Variants in THEMIS observed in about 807,000 individuals in gnomAD.
THEMIS encodes protein THEMIS.
THEMIS carries 37 observed loss-of-function variants against 52.6 expected under a neutral mutation model. The observed-to-expected ratio is 0.70, with a 90% CI of 0.54 to 0.93. The LOEUF is 0.93. Ranked by LOEUF, THEMIS falls within the 40% of genes least tolerant of loss-of-function variation. The pLI, the probability that THEMIS is intolerant of heterozygous loss-of-function variation, is 0.00. For synonymous variants in THEMIS, 292 were observed against 272.7 expected (o/e 1.07, Z -0.70); for missense variants, 808 against 763.1 (o/e 1.06, Z -0.69).
At chr6:127,724,667 T>C (rs1198112952) in intron 4 of THEMIS, among the ~76,000 whole-genome samples, 1 of 152,130 alleles carries the variant, frequency 6.6e-6, no homozygotes, top group Non-Finnish European at 1.5e-5. Context: ...CAATCCTGTC[T>C]GCTAATTTGA....
At chr6:127,716,614 AC>A (rs1361137932) in intron 5 of THEMIS, among the ~76,000 whole-genome samples, 3 of 151,822 alleles carry the variant, frequency 2.0e-5, no homozygotes, top group Non-Finnish European at 4.4e-5. Flanking sequence ...CTCTGCCCAG[AC>A]CTGCTTCTGG....
intron 1 of THEMIS, among the ~76,000 whole-genome samples, chr6:127,906,211 G>A (rs1030030290): frequency 6.6e-6 from 1 of 151,188 alleles, no homozygotes; most frequent in Non-Finnish European, 1.5e-5. Context: ...GCAAAAGAAA[G>A]CTCATGAAAC....
chr6:127,825,844 T>C (rs1424662692), intron 3 of THEMIS, among the ~76,000 whole-genome samples: 1 of 152,170 alleles, frequency 6.6e-6, no homozygotes, highest in Non-Finnish European at 1.5e-5. Flanking sequence ...AAGAATGCTC[T>C]AAGACTTAGG....
intron 1 of THEMIS, among the ~76,000 whole-genome samples, chr6:127,856,340 A>G (rs1474347971): frequency 6.6e-6 from 1 of 151,926 alleles, no homozygotes; most frequent in Non-Finnish European, 1.5e-5. Flanking sequence ...CAGAGTCCCA[A>G]TAGGTAACAG....
intron 4 of THEMIS, among the ~76,000 whole-genome samples, chr6:127,759,883 C>G (rs914505217): frequency 3.1e-5 from 4 of 127,404 alleles, no homozygotes; most frequent in East Asian, 2.8e-4. Flanking sequence ...TCCTTCCTCT[C>G]TCTCTCTCTT....
intron 4 of THEMIS, among the ~76,000 whole-genome samples, chr6:127,788,790 AG>A (rs1235064520): frequency 6.6e-6 from 1 of 152,192 alleles, no homozygotes; most frequent in African/African-American, 2.4e-5. Context: ...CCTACTCTCC[AG>A]GAAGACAAAA....
At chr6:127,780,111 G>C (rs1562252204) in intron 4 of THEMIS, among the ~76,000 whole-genome samples, 1 of 152,142 alleles carries the variant, frequency 6.6e-6, no homozygotes, top group Non-Finnish European at 1.5e-5. Flanking sequence ...ATTTAGGATA[G>C]TAGCTCTTTT....
rs199696364 is a variant in THEMIS, at chr6:127,829,595, G to T, written c.590C>A (p.Thr197Lys). 9.8e-5 allele frequency: 158 copies of T among 1,614,058 alleles called. No homozygotes were observed. Among genetic ancestry groups the T allele is most frequent in the Non-Finnish European group, 1.3e-4 (149 of 1,179,974 alleles). Residue 197 changes from threonine (T) to lysine (K), a missense_variant, in exon 3 of 6, where the codon ACA (threonine) becomes AAA (lysine). Thr to Lys is a moderately conservative substitution (Grantham distance 78). Transcript: ENST00000368248. ...AAAATCTGTAAGGTTTACAGTTCTT[G>T]TTCTGTTCTTAGGAATCTTCCATTC... ...IVEWKIPKNR[T>K]RTVNLTDFSN...
rs552923578 is a variant in THEMIS, at chr6:127,917,468, G to A, written c.-150+960C>T. ...ACCGGGGCAGTAGAATCTGGAATGT[G>A]TGATTACTGAACCTAGCCTTTCACA... On this transcript the variant is annotated intron_variant, in intron 1 of 6. Coordinates refer to the THEMIS transcript ENST00000368250. Among the ~76,000 whole-genome samples, 6 of 152,348 alleles carry A rather than the reference G, an allele frequency of 3.9e-5. 1 individual carries two copies. The South Asian group carries it at 1.2e-3, about 32-fold the overall frequency.
chr6:127,707,955 T>G (rs563298907), downstream of THEMIS: 2 of 152,210 alleles, frequency 1.3e-5, no homozygotes, highest in South Asian at 2.1e-4. Context: ...TTGGTAGTTT[T>G]GGCACCTATC....
At chr6:127,763,585 C>A (rs890054001) in intron 4 of THEMIS, among the ~76,000 whole-genome samples, 1 of 151,936 alleles carries the variant, frequency 6.6e-6, no homozygotes, top group Non-Finnish European at 1.5e-5. Context: ...AAAAAAGTTA[C>A]CTTATCCACT....
At chr6:127,783,353 C>A (rs770334721) in intron 4 of THEMIS, among the ~76,000 whole-genome samples, 5 of 152,224 alleles carry the variant, frequency 3.3e-5, no homozygotes, top group South Asian at 4.1e-4. Context: ...ACTAAAACAC[C>A]AAAACCAATG....
chr6:127,793,743 C>A (rs986658369), intron 4 of THEMIS, among the ~76,000 whole-genome samples: 3 of 152,134 alleles, frequency 2.0e-5, no homozygotes, highest in African/African-American at 7.2e-5. Context: ...CTTAACTGGC[C>A]AGTGCATAAG....
chr6:127,722,075 G>A (rs573714354), intron 4 of THEMIS, among the ~76,000 whole-genome samples: 1 of 152,148 alleles, frequency 6.6e-6, no homozygotes, highest in South Asian at 2.1e-4. Context: ...TAAAGGTTCT[G>A]TGCTTCCTGG....
chr6:127,889,086 A>G (rs1780728859), intron 1 of THEMIS, among the ~76,000 whole-genome samples: 1 of 152,122 alleles, frequency 6.6e-6, no homozygotes. Context: ...GGATGAGGAC[A>G]TGTTCTCTGC....
At chr6:127,820,230 AG>A (rs1778290857) in intron 3 of THEMIS, among the ~76,000 whole-genome samples, 1 of 152,120 alleles carries the variant, frequency 6.6e-6, no homozygotes. Context: ...AGGCAGAAAA[AG>A]AAGGGGAAAA....
intron 2 of THEMIS, among the ~76,000 whole-genome samples, chr6:127,851,514 T>C: frequency 6.6e-6 from 1 of 151,620 alleles, no homozygotes; most frequent in East Asian, 1.9e-4. Flanking sequence ...ACTCAATTTT[T>C]AAAAAAATGA....
intron 4 of THEMIS, among the ~76,000 whole-genome samples, chr6:127,724,932 T>C (rs1426946095): frequency 1.3e-5 from 2 of 152,122 alleles, no homozygotes; most frequent in African/African-American, 4.8e-5. Context: ...TTTTTCAATT[T>C]ATTCAGATTC....
intron 1 of THEMIS, among the ~76,000 whole-genome samples, chr6:127,913,260 C>T (rs548258382): frequency 1.3e-5 from 2 of 152,270 alleles, no homozygotes; most frequent in East Asian, 3.9e-4. Flanking sequence ...GTTCCTTTAC[C>T]TCTATGAAGC....
Sources: gnomAD v4.1 joint callset for allele counts (sites outside exome capture counted in the v4.1 genomes callset) on GRCh38, gnomAD v4.1.1 for gene constraint, MANE v1.5 for transcripts, NCBI Gene and HGNC (gene_info 2026-07-23, HGNC 2026-07-21) for gene names.